The following WWOX variants were observed in gnomAD, a reference collection of about 807,000 sequenced individuals.
The protein encoded by WWOX is WW domain containing oxidoreductase.
In WWOX, 69 loss-of-function variants were observed where a neutral mutation model predicts 46.2. The ratio of observed to expected loss-of-function variants is 1.49; its 90% CI spans 1.23 to 1.82. WWOX has a LOEUF of 1.82. Ranked by LOEUF, WWOX falls within the 40% of genes most tolerant of loss-of-function variation. WWOX has a pLI of 0.00. For synonymous variants in WWOX, 359 were observed against 202.6 expected, an observed-to-expected ratio of 1.77 and a Z score of -6.56; for missense variants, 919 against 542.6, an observed-to-expected ratio of 1.69 and a Z score of -6.89.
At chr16:78,640,888 G>C (rs1471693913) in intron 8 of WWOX, among the ~76,000 whole-genome samples, 1 of 147,896 alleles carries the variant, frequency 6.8e-6, no homozygotes, top group Non-Finnish European at 1.5e-5. Flanking sequence ...GCAGTGAGCC[G>C]AGATCATGCC....
intron 8 of WWOX, among the ~76,000 whole-genome samples, chr16:78,955,655 GT>G (rs369149420): frequency 6.7e-6 from 1 of 148,490 alleles, no homozygotes; most frequent in Non-Finnish European, 1.5e-5. Flanking sequence ...ATTTATTTTT[GT>G]TTTTTTTGTT....
intron 4 of WWOX, among the ~76,000 whole-genome samples, chr16:78,135,679 T>G (rs1405868759): frequency 6.6e-6 from 1 of 151,538 alleles, no homozygotes; most frequent in African/African-American, 2.4e-5. Context: ...ACTGACAGTA[T>G]TACTGAAAAA....
At chr16:79,024,654 C>G (rs370803082) in intron 8 of WWOX, among the ~76,000 whole-genome samples, 1 of 152,062 alleles carries the variant, frequency 6.6e-6, no homozygotes, top group South Asian at 2.1e-4. Flanking sequence ...CCAGGATGGT[C>G]TTCATCTCCT....
At chr16:78,321,294 ATATATATACGTATATATATG>A (rs777758051) in intron 5 of WWOX, among the ~76,000 whole-genome samples, 32,502 of 139,930 alleles carry the variant, frequency 0.23, 6,428 homozygotes, top group East Asian at 0.52. Flanking sequence ...ATATATACGT[ATATATATACGTATATATATG>A]CGTATATATA....
intron 8 of WWOX, chr16:79,077,535 G>T (rs1234806218): frequency 6.6e-6 from 1 of 152,076 alleles, no homozygotes; most frequent in African/African-American, 2.4e-5. Flanking sequence ...CAGCTGTGGG[G>T]TTTGTGAGGC....
rs189230683 is a variant in WWOX, at chr16:78,494,427, G to C, written c.1056+61675G>C. 9.1e-4 allele frequency among the ~76,000 whole-genome samples: 138 copies of C among 152,052 alleles called. 1 individual carries two copies. The East Asian group carries it at 0.012, about 13-fold the overall frequency. On this transcript the variant is annotated intron_variant, in intron 8 of 8. Transcript: ENST00000566780. The stretch of plus-strand genomic sequence containing the variant: ...GCTTAGAGGAGGTTCAAATCTCAAA[G>C]TGATGTCTTTCCTTTTGCATTTTGG...
intron 8 of WWOX, chr16:79,016,003 C>G (rs1367539846): frequency 1.3e-5 from 2 of 152,204 alleles, no homozygotes; most frequent in Non-Finnish European, 2.9e-5. Context: ...CCCGCCTCAG[C>G]CTCCCAGAGC....
chr16:79,208,359 C>T (rs137873289), intron 8 of WWOX, among the ~76,000 whole-genome samples: 1 of 146,966 alleles, frequency 6.8e-6, no homozygotes, highest in Non-Finnish European at 1.5e-5. Context: ...AACCTACAGG[C>T]TTCTGATAAA....
At chr16:78,866,201 C>T (rs1338199380) in intron 8 of WWOX, among the ~76,000 whole-genome samples, 1 of 152,120 alleles carries the variant, frequency 6.6e-6, no homozygotes, top group African/African-American at 2.4e-5. Flanking sequence ...ACCGAAGAAT[C>T]CTTCTGCCAG....
intron 8 of WWOX, among the ~76,000 whole-genome samples, chr16:78,959,517 ATTCATCCACCTG>A (rs1392124949): frequency 3.9e-4 from 60 of 152,320 alleles, no homozygotes; most frequent in Non-Finnish European, 1.2e-4. Context: ...TCACTCATGC[ATTCATCCACCTG>A]TTCATCCATT....
At chr16:78,508,882 G>A (rs1017366062) in intron 8 of WWOX, among the ~76,000 whole-genome samples, 3 of 152,174 alleles carry the variant, frequency 2.0e-5, no homozygotes, top group Non-Finnish European at 4.4e-5. Context: ...ACTCTTTTCA[G>A]GAATGCAGAT....
At chr16:78,873,592 G>C (rs1156488605) in intron 8 of WWOX, 1 of 152,004 alleles carries the variant, frequency 6.6e-6, no homozygotes, top group African/African-American at 2.4e-5. Flanking sequence ...TTGGAGGCTA[G>C]CCTGGGGAAC....
At chr16:78,148,443 G>T (rs1300755957) in intron 4 of WWOX, among the ~76,000 whole-genome samples, 1 of 152,122 alleles carries the variant, frequency 6.6e-6, no homozygotes, top group Admixed American at 6.5e-5. Flanking sequence ...AAGAAAGGGA[G>T]CAAAAGAGCT....
intron 6 of WWOX, among the ~76,000 whole-genome samples, chr16:78,395,657 G>A (rs2082267839): frequency 6.6e-6 from 1 of 152,202 alleles, no homozygotes; most frequent in Non-Finnish European, 1.5e-5. Context: ...GCTCTAGGGT[G>A]ACAAGAGCCA....
intron 8 of WWOX, among the ~76,000 whole-genome samples, chr16:78,607,900 C>G (rs1017458316): frequency 6.6e-6 from 1 of 152,118 alleles, no homozygotes; most frequent in Non-Finnish European, 1.5e-5. Flanking sequence ...GACCTGCACA[C>G]ATGTTTGAGA....
chr16:78,769,859 AAATAAAAAAAT>A (rs896588969), intron 8 of WWOX, among the ~76,000 whole-genome samples: 2 of 151,440 alleles, frequency 1.3e-5, no homozygotes, highest in African/African-American at 4.8e-5. Flanking sequence ...ATAAAAAATA[AAATAAAAAAAT>A]AAAAATAAAA....
chr16:78,776,529 C>G (rs768789801), intron 8 of WWOX, among the ~76,000 whole-genome samples: 1 of 152,086 alleles, frequency 6.6e-6, no homozygotes, highest in African/African-American at 2.4e-5. Context: ...GACATGATGA[C>G]CTGTTTAGCA....
chr16:78,267,745 A>G (rs1316816208), intron 5 of WWOX, among the ~76,000 whole-genome samples: 2 of 151,172 alleles, frequency 1.3e-5, no homozygotes, highest in Non-Finnish European at 2.9e-5. Context: ...GAGGGATAGT[A>G]TCTGTTCCAC....
intron 6 of WWOX, among the ~76,000 whole-genome samples, chr16:78,404,334 C>G (rs1031993638): frequency 6.6e-6 from 1 of 151,990 alleles, no homozygotes; most frequent in Admixed American, 6.6e-5. Flanking sequence ...CAAGCATAAC[C>G]CTAGGTGTGA....
Sources: allele counts gnomAD v4.1 joint callset (sites outside exome capture counted in the v4.1 genomes callset), GRCh38; gene constraint gnomAD v4.1.1; transcripts MANE v1.5; gene names NCBI Gene and HGNC (gene_info 2026-07-23, HGNC 2026-07-21).